The following SLC44A1 variants were observed in gnomAD, a reference collection of about 807,000 sequenced individuals.
SLC44A1 encodes the protein choline transporter-like protein 1.
A neutral mutation model predicts 79.3 loss-of-function variants in SLC44A1; 26 were observed. The observed-to-expected ratio is 0.33, with a 90% CI of 0.24 to 0.46. SLC44A1 has a LOEUF of 0.46. Among genes scored for constraint, SLC44A1 ranks in the 20% least tolerant of loss-of-function variants. The pLI is 1.00. For missense variants in SLC44A1, 688 were observed against 798.1 expected (o/e 0.86, Z 1.66); for synonymous variants, 263 against 286.2 (o/e 0.92, Z 0.82).
intron 1 of SLC44A1, among the ~76,000 whole-genome samples, chr9:105,277,357 C>G (rs569687361): frequency 3.3e-5 from 5 of 152,240 alleles, no homozygotes; most frequent in African/African-American, 1.2e-4. Context: ...TGCAGTTACT[C>G]CATTCATGAT....
chr9:105,251,135 TACACTA>T (rs1829575830), intron 1 of SLC44A1, among the ~76,000 whole-genome samples: 1 of 152,212 alleles, frequency 6.6e-6, no homozygotes, highest in Admixed American at 6.5e-5. Flanking sequence ...AATTAGCATT[TACACTA>T]GAATATTGTA....
chr9:105,394,860 C>T lies in SLC44A1; in HGVS notation c.*5804C>T. ...TGTTTTAGTGTTTTCCAGTCACCCA[C>T]TAGAGCAGCTTCAGATTCCTCTGCC... On this transcript the variant is annotated 3_prime_UTR_variant, in exon 16 of 16. Transcript: ENST00000374720. The T allele has an allele frequency of 1.0e-6, 1 of 985,430 alleles. No homozygotes were observed. The highest frequency in any genetic ancestry group is 1.2e-6 in the Non-Finnish European group (1 of 829,952). The allele number at this position is 985,430 out of a possible 1,614,324, so 61.0% of individuals were successfully genotyped here. A position where few individuals can be genotyped will look rare whatever the true frequency, so the allele number is the denominator to read the frequency against.
chr9:105,374,160 G>C (rs1433255912), intron 12 of SLC44A1, among the ~76,000 whole-genome samples: 2 of 152,216 alleles, frequency 1.3e-5, no homozygotes, highest in African/African-American at 4.8e-5. Flanking sequence ...GGAGGAGATA[G>C]TGGATAGTCC....
intron 3 of SLC44A1, among the ~76,000 whole-genome samples, chr9:105,321,217 A>G (rs1278277716): frequency 6.6e-6 from 1 of 152,016 alleles, no homozygotes; most frequent in Non-Finnish European, 1.5e-5. Context: ...GATATATATG[A>G]TTCATTTTGA....
At chr9:105,248,841 C>G (rs1478963792) in intron 1 of SLC44A1, among the ~76,000 whole-genome samples, 1 of 152,322 alleles carries the variant, frequency 6.6e-6, no homozygotes, top group South Asian at 2.1e-4. Flanking sequence ...TTATTAAATG[C>G]TCTTTCCCAT....
At chr9:105,405,299 C>T (rs374698870) in intron 15 of SLC44A1, among the ~76,000 whole-genome samples, 83 of 147,010 alleles carry the variant, frequency 5.6e-4, no homozygotes, top group Admixed American at 1.0e-3. Context: ...CCAGCCTGGG[C>T]GACAGAGCAA....
At chr9:105,255,107 T>G (rs76922649) in intron 1 of SLC44A1, among the ~76,000 whole-genome samples, 1,785 of 151,414 alleles carry the variant, frequency 0.012, 16 homozygotes, top group Non-Finnish European at 0.017. Flanking sequence ...TTTTGTTTTT[T>G]TTTTTTTTTA....
At chr9:105,424,138 C>T (rs1465182648) in intron 15 of SLC44A1, among the ~76,000 whole-genome samples, 2 of 152,136 alleles carry the variant, frequency 1.3e-5, no homozygotes, top group African/African-American at 4.8e-5. Context: ...ATCTTTAGAT[C>T]CTGAACACCA....
chr9:105,376,520 T>C (rs1192618935), intron 13 of SLC44A1, among the ~76,000 whole-genome samples: 5 of 152,050 alleles, frequency 3.3e-5, no homozygotes, highest in Admixed American at 2.0e-4. Flanking sequence ...ACTACAGGCA[T>C]GCACCACCAT....
intron 12 of SLC44A1, among the ~76,000 whole-genome samples, chr9:105,373,698 CT>C (rs1434725533): frequency 1.3e-5 from 2 of 152,228 alleles, no homozygotes; most frequent in Non-Finnish European, 2.9e-5. Context: ...TCTCCCTGCT[CT>C]GACTTCATGG....
At position 105,348,425 on chromosome 9, in the gene SLC44A1, C is replaced by A; in HGVS notation, c.474C>A (p.Leu158=). Reference sequence around the variant, plus strand: ...CTACATCTCCAAAATCTTCTGTTCTCTGCCCCAAACTACCAGTTCCAGCGA... The same window carrying A: ...CTACATCTCCAAAATCTTCTGTTCTATGCCCCAAACTACCAGTTCCAGCGA... The part of the protein sequence containing the change: ...EYTTSPKSSV[L]CPKLPVPASA... Residue 158 remains leucine, a synonymous_variant, in exon 5 of 16, where the codon CTC becomes CTA. Coordinates refer to ENST00000374720, the MANE Select transcript of SLC44A1 (RefSeq NM_080546.5). 1 of 1,609,378 alleles carries A rather than the reference C, an allele frequency of 6.2e-7. No individual in the cohort carries two copies. Among genetic ancestry groups the A allele is most frequent in the Non-Finnish European group, 8.5e-7 (1 of 1,175,916 alleles).
At chr9:105,258,168 A>G (rs1295230911) in intron 1 of SLC44A1, among the ~76,000 whole-genome samples, 1 of 152,226 alleles carries the variant, frequency 6.6e-6, no homozygotes, top group Non-Finnish European at 1.5e-5. Context: ...GAAGGGTATT[A>G]TAATGGCTAG....
In SLC44A1 at chr9:105,394,404, G is replaced by A. The variant is rs898937778; in HGVS notation, c.*5348G>A. The A allele has an allele frequency of 2.1e-6, 2 of 967,252 alleles. No individual in the cohort carries two copies. The highest frequency in any genetic ancestry group is 3.8e-5 in the African/African-American group (2 of 52,004). 59.9% of individuals were successfully genotyped at this position (967,252 alleles called of 1,614,324 possible). On this transcript the variant is annotated 3_prime_UTR_variant, in exon 16 of 16. Coordinates refer to ENST00000374720, the MANE Select transcript of SLC44A1 (RefSeq NM_080546.5). ...GACAGTAAGATTTTCTTTCCTTGGA[G>A]GTATGAGGGTGTGTATGTGTGTGTG...
intron 13 of SLC44A1, among the ~76,000 whole-genome samples, chr9:105,382,035 G>C (rs561990411): frequency 1.5e-4 from 23 of 150,562 alleles, no homozygotes; most frequent in Admixed American, 1.3e-3. Context: ...GAATTCAGTA[G>C]AATCCATTAC....
intron 5 of SLC44A1, among the ~76,000 whole-genome samples, chr9:105,351,550 A>AAGAAAGAAAGAGAGAAAGAGAGAAAGAG (rs1554797110): frequency 3.0e-5 from 3 of 100,250 alleles, no homozygotes; most frequent in East Asian, 2.5e-4. Context: ...GAAAGAAAGA[A>AAGAAAGAAAGAGAGAAAGAGAGAAAGAG]AGAAAGAGAG....
At chr9:105,428,276 A>G (rs961839430) in intron 15 of SLC44A1, among the ~76,000 whole-genome samples, 4 of 152,158 alleles carry the variant, frequency 2.6e-5, no homozygotes, top group African/African-American at 9.7e-5. Flanking sequence ...GATACAATTT[A>G]TATTCTATTT....
intron 11 of SLC44A1, among the ~76,000 whole-genome samples, 191 bp downstream of exon 11, chr9:105,365,830 A>G (rs531919499): frequency 2.0e-5 from 3 of 152,180 alleles, no homozygotes; most frequent in Non-Finnish European, 2.9e-5. Flanking sequence ...TCATCCAGTC[A>G]CTAGTAACTA....
intron 3 of SLC44A1, among the ~76,000 whole-genome samples, chr9:105,312,731 A>T (rs1831213327): frequency 6.6e-6 from 1 of 152,134 alleles, no homozygotes. Context: ...ATGGTGTTTT[A>T]TAGTTTTAAT....
chr9:105,314,463 C>A (rs1010179911), intron 3 of SLC44A1, among the ~76,000 whole-genome samples: 9 of 152,138 alleles, frequency 5.9e-5, no homozygotes, highest in Non-Finnish European at 1.5e-5. Flanking sequence ...AGCTTAGTGT[C>A]TACTTTCTTT....
Sources: gnomAD v4.1 joint callset for allele counts (sites outside exome capture counted in the v4.1 genomes callset) on GRCh38, gnomAD v4.1.1 for gene constraint, MANE v1.5 for transcripts, NCBI Gene and HGNC (gene_info 2026-07-23, HGNC 2026-07-21) for gene names.